Variants in RAD51B observed in about 807,000 individuals in gnomAD.
The protein encoded by RAD51B is RAD51 paralog B, also known as DNA repair protein RAD51 homolog 2.
A neutral mutation model predicts 42.2 loss-of-function variants in RAD51B; 38 were observed. The observed-to-expected ratio is 0.90, with a 90% CI of 0.70 to 1.18. The LOEUF (loss-of-function observed/expected upper bound fraction) is 1.18, where lower values mean the gene tolerates loss of function less well. Ranked by LOEUF, RAD51B falls within the 50% of genes most tolerant of loss-of-function variation. The pLI is 0.00. For missense variants in RAD51B, 373 were observed against 400.7 expected (o/e 0.93, Z 0.59); for synonymous variants, 154 against 145.2 (o/e 1.06, Z -0.43).
chr14:68,578,003 C>T (rs1286873767), intron 10 of RAD51B, among the ~76,000 whole-genome samples: 2 of 152,232 alleles, frequency 1.3e-5, no homozygotes, highest in African/African-American at 4.8e-5. Context: ...ACTTACTGGT[C>T]TTCCTGATTC....
chr14:67,867,941 G>A (rs1269622681), intron 5 of RAD51B, among the ~76,000 whole-genome samples: 1 of 152,134 alleles, frequency 6.6e-6, no homozygotes, highest in African/African-American at 2.4e-5. Context: ...CACATATATA[G>A]AATTTAGGGT....
At chr14:68,280,030 C>T (rs2081292013) in intron 7 of RAD51B, among the ~76,000 whole-genome samples, 1 of 152,192 alleles carries the variant, frequency 6.6e-6, no homozygotes, top group Non-Finnish European at 1.5e-5. Flanking sequence ...TTCTGAAACT[C>T]TCGTCATCAC....
intron 8 of RAD51B, among the ~76,000 whole-genome samples, chr14:68,294,110 T>C (rs1440532945): frequency 6.6e-6 from 1 of 152,190 alleles, no homozygotes; most frequent in African/African-American, 2.4e-5. Flanking sequence ...GTAAGTACTT[T>C]TATTTGTGTT....
chr14:68,549,304 C>CCAAACTT (rs1353002206), intron 10 of RAD51B, among the ~76,000 whole-genome samples: 1 of 151,894 alleles, frequency 6.6e-6, no homozygotes, highest in Non-Finnish European at 1.5e-5. Flanking sequence ...TCTTTGAGCC[C>CCAAACTT]CAAACTTCAT....
intron 7 of RAD51B, among the ~76,000 whole-genome samples, chr14:68,093,726 T>G (rs926057312): frequency 2.0e-5 from 3 of 152,236 alleles, no homozygotes; most frequent in African/African-American, 4.8e-5. Context: ...TCTTAGTTAT[T>G]TCTTGCCTTC....
intron 7 of RAD51B, among the ~76,000 whole-genome samples, chr14:67,913,796 C>A (rs1366386359): frequency 6.6e-6 from 1 of 152,032 alleles, no homozygotes; most frequent in Non-Finnish European, 1.5e-5. Flanking sequence ...GTGTTACAAT[C>A]TAGTTATACT....
chr14:67,893,502 ACACAC>A lies in RAD51B; in HGVS notation c.756+6299_756+6303del, dbSNP rs1261734479. Among the ~76,000 whole-genome samples the A allele has an allele frequency of 1.1e-3, 114 of 103,330 alleles. 3 individuals carry two copies. Among genetic ancestry groups the A allele is most frequent in the African/African-American group, 3.7e-3 (67 of 17,996 alleles). The allele number at this position is 103,330 out of a possible 152,430, so 67.8% of individuals were successfully genotyped here. On this transcript the variant is annotated intron_variant, in intron 7 of 10. Coordinates refer to ENST00000471583, the MANE Select transcript of RAD51B (RefSeq NM_133510.4). ...CACACACACACACACACACACACAC[ACACAC>A]ACAAAAAAAAACAATTAGCTGGGTG...
intron 7 of RAD51B, among the ~76,000 whole-genome samples, chr14:67,975,854 G>A (rs1361113150): frequency 2.0e-5 from 3 of 152,192 alleles, no homozygotes; most frequent in Non-Finnish European, 4.4e-5. Flanking sequence ...AATATGTAAG[G>A]AGGCAGCTTT....
intron 10 of RAD51B, among the ~76,000 whole-genome samples, chr14:68,495,272 G>C (rs961014167): frequency 6.6e-6 from 1 of 152,142 alleles, no homozygotes; most frequent in Non-Finnish European, 1.5e-5. Flanking sequence ...ACTTGCTGGG[G>C]AGTGCTCTCT....
chr14:68,675,666 G>C (rs1046333026), intron 11 of RAD51B, among the ~76,000 whole-genome samples: 4 of 152,172 alleles, frequency 2.6e-5, no homozygotes, highest in African/African-American at 9.7e-5. Flanking sequence ...CTATTCCATT[G>C]TGGTACACAC....
At chr14:68,416,971 C>T (rs3784121) in intron 9 of RAD51B, among the ~76,000 whole-genome samples, 27,757 of 151,990 alleles carry the variant, frequency 0.18, 2,949 homozygotes, top group Non-Finnish European at 0.25. Context: ...ACTGAATAAC[C>T]AAAGAAAAGT....
chr14:68,516,515 G>C (rs1332213588), intron 10 of RAD51B, among the ~76,000 whole-genome samples: 2 of 152,188 alleles, frequency 1.3e-5, no homozygotes, highest in African/African-American at 4.8e-5. Context: ...GCCTCACGTA[G>C]TTATTTTGTT....
chr14:68,001,424 G>C (rs2075480783), intron 7 of RAD51B, among the ~76,000 whole-genome samples: 1 of 151,990 alleles, frequency 6.6e-6, no homozygotes, highest in Non-Finnish European at 1.5e-5. Flanking sequence ...ATGAATCAAT[G>C]TAAAATTTTA....
chr14:68,316,184 T>C (rs1388836758), intron 8 of RAD51B, among the ~76,000 whole-genome samples: 2 of 152,238 alleles, frequency 1.3e-5, no homozygotes, highest in Non-Finnish European at 2.9e-5. Context: ...GTCTCCAAGA[T>C]ACTGCCTAGA....
Position 68,041,523 on chromosome 14 carries a change from G to A in RAD51B, c.756+154319G>A, listed in dbSNP as rs1314093426. On this transcript the variant is annotated intron_variant, in intron 7 of 10. Transcript: ENST00000471583. Reference sequence around the variant, plus strand: ...GTCCACTTTCCTTCCTTCCTTAATTGGAGTACCAGGACTAGCCTGAGGGTC... The same window carrying A: ...GTCCACTTTCCTTCCTTCCTTAATTAGAGTACCAGGACTAGCCTGAGGGTC... Among the ~76,000 whole-genome samples the A allele has an allele frequency of 3.3e-5, 5 of 150,760 alleles. No homozygotes were observed. In the South Asian group the frequency reaches 8.4e-4, roughly 25 times the overall value.
chr14:68,464,034 A>G (rs551126942), intron 9 of RAD51B, among the ~76,000 whole-genome samples: 1 of 152,386 alleles, frequency 6.6e-6, no homozygotes, highest in African/African-American at 2.4e-5. Flanking sequence ...TGGCTGTTCC[A>G]TAATGAATCA....
intron 7 of RAD51B, among the ~76,000 whole-genome samples, chr14:67,968,000 T>C (rs2074819414): frequency 6.6e-6 from 1 of 152,210 alleles, no homozygotes; most frequent in African/African-American, 2.4e-5. Flanking sequence ...TCTTCTGAAA[T>C]CTAGGTGGAG....
intron 7 of RAD51B, among the ~76,000 whole-genome samples, chr14:68,105,781 C>T (rs1263973098): frequency 6.6e-6 from 1 of 151,910 alleles, no homozygotes; most frequent in Non-Finnish European, 1.5e-5. Context: ...AAAGCAACCA[C>T]TTTTGTTTGG....
intron 7 of RAD51B, among the ~76,000 whole-genome samples, chr14:68,281,903 G>C (rs2081325471): frequency 6.6e-6 from 1 of 152,022 alleles, no homozygotes; most frequent in African/African-American, 2.4e-5. Context: ...GCCAGTATCA[G>C]AGACTAAAAA....
Sources: allele counts gnomAD v4.1 joint callset (sites outside exome capture counted in the v4.1 genomes callset), GRCh38; gene constraint gnomAD v4.1.1; transcripts MANE v1.5; gene names NCBI Gene and HGNC (gene_info 2026-07-23, HGNC 2026-07-21).